The following RANBP3 variants were observed in gnomAD, a reference collection of about 807,000 sequenced individuals.
RANBP3 encodes RAN binding protein 3.
Under a neutral mutation model 77.3 loss-of-function variants are expected in RANBP3, and 14 were observed. The ratio of observed to expected loss-of-function variants is 0.18; its 90% CI spans 0.12 to 0.28. RANBP3 has a LOEUF of 0.28. Ranked by LOEUF, RANBP3 falls within the 10% of genes least tolerant of loss-of-function variation. The pLI is 1.00. For missense variants in RANBP3, 586 were observed against 752.3 expected (o/e 0.78, Z 2.59); for synonymous variants, 315 against 312.4 (o/e 1.01, Z -0.09).
At chr19:5,977,171 G>A (rs535808130) in intron 1 of RANBP3, among the ~76,000 whole-genome samples, 10 of 152,268 alleles carry the variant, frequency 6.6e-5, no homozygotes, top group African/African-American at 2.4e-4. Context: ...AGCCAGACAG[G>A]TAGAGAGCTT....
intron 1 of RANBP3, among the ~76,000 whole-genome samples, chr19:5,963,942 C>T (rs2058433734): frequency 6.6e-6 from 1 of 152,206 alleles, no homozygotes; most frequent in Admixed American, 6.5e-5. Flanking sequence ...AATTGTGATC[C>T]TGTGATGATC....
intron 5 of RANBP3, among the ~76,000 whole-genome samples, chr19:5,940,469 G>A (rs1181333641): frequency 1.3e-5 from 2 of 152,212 alleles, no homozygotes; most frequent in Non-Finnish European, 2.9e-5. Flanking sequence ...GCAGATGACA[G>A]TGTAATAGCA....
chr19:5,936,301 G>A (rs2086721408), intron 5 of RANBP3, among the ~76,000 whole-genome samples: 1 of 152,224 alleles, frequency 6.6e-6, no homozygotes, highest in Non-Finnish European at 1.5e-5. Context: ...GAAGAGGGAG[G>A]AATATACCAA....
At chr19:5,930,144 T>C (rs1442541116) in intron 8 of RANBP3, among the ~76,000 whole-genome samples, 1 of 152,210 alleles carries the variant, frequency 6.6e-6, no homozygotes, top group Non-Finnish European at 1.5e-5. Context: ...GGGTCACTTC[T>C]AAGTCCTTCT....
At chr19:5,925,561 C>T in intron 10 of RANBP3, 73 bp downstream of exon 10, 1 of 1,340,084 alleles carries the variant, frequency 7.5e-7, no homozygotes, top group Non-Finnish European at 1.1e-6. Flanking sequence ...GACCACAGAC[C>T]CCTCTCTGGC....
At chr19:5,944,463 G>A (rs1052925051) in intron 3 of RANBP3, among the ~76,000 whole-genome samples, 4 of 152,190 alleles carry the variant, frequency 2.6e-5, no homozygotes, top group African/African-American at 9.7e-5. Flanking sequence ...AGCAGCATCT[G>A]CCCACCCGGG....
At chr19:5,928,827 T>C (rs969011090) in intron 8 of RANBP3, among the ~76,000 whole-genome samples, 2 of 152,190 alleles carry the variant, frequency 1.3e-5, no homozygotes, top group Non-Finnish European at 2.9e-5. Context: ...TAATGGAATA[T>C]GGAGTTGCTA....
intron 5 of RANBP3, among the ~76,000 whole-genome samples, chr19:5,939,030 A>T (rs1439670251): frequency 1.3e-5 from 2 of 152,038 alleles, no homozygotes; most frequent in Admixed American, 6.5e-5. Flanking sequence ...CTAAAAAAAT[A>T]CAAAATTACC....
At chr19:5,949,332 A>C (rs941292339) in intron 3 of RANBP3, among the ~76,000 whole-genome samples, 1 of 152,230 alleles carries the variant, frequency 6.6e-6, no homozygotes, top group Non-Finnish European at 1.5e-5. Flanking sequence ...CTAACCTAAA[A>C]TAAAGTTTAC....
intron 7 of RANBP3, among the ~76,000 whole-genome samples, chr19:5,931,939 G>A (rs1299704820): frequency 6.6e-6 from 1 of 152,112 alleles, no homozygotes; most frequent in Non-Finnish European, 1.5e-5. Context: ...GGAGGCTGAG[G>A]TGGGAGGATC....
chr19:5,923,751 A>T (rs1163690881), intron 12 of RANBP3, 61 bp downstream of exon 12: 3 of 1,384,158 alleles, frequency 2.2e-6, no homozygotes, highest in African/African-American at 2.9e-5. Flanking sequence ...GTGTGAATGG[A>T]CCCAGCATCC....
chr19:5,966,738 C>T (rs748408173), intron 1 of RANBP3, among the ~76,000 whole-genome samples: 53 of 152,222 alleles, frequency 3.5e-4, no homozygotes, highest in Non-Finnish European at 8.8e-5. Context: ...AATATCTTTG[C>T]TTTTTCTGTT....
At chr19:5,949,102 A>G (rs2058243623) in intron 3 of RANBP3, among the ~76,000 whole-genome samples, 1 of 152,180 alleles carries the variant, frequency 6.6e-6, no homozygotes, top group African/African-American at 2.4e-5. Context: ...TCAGCTTTAT[A>G]TTCCCCCCAG....
At chr19:5,937,126 C>T (rs1715715625) in intron 5 of RANBP3, among the ~76,000 whole-genome samples, 1 of 143,870 alleles carries the variant, frequency 7.0e-6, no homozygotes. Flanking sequence ...GGAAACATCA[C>T]TCTAAAGACA....
At chr19:5,961,955 T>G (rs1251154817) in intron 1 of RANBP3, among the ~76,000 whole-genome samples, 1 of 151,688 alleles carries the variant, frequency 6.6e-6, no homozygotes, top group Non-Finnish European at 1.5e-5. Flanking sequence ...TCCCCTTGTT[T>G]TCCATGGCCA....
rs1474723237 is a variant in RANBP3, at chr19:5,921,280, G to A, written c.1251C>T (p.Ser417=). Residue 417 remains serine, a synonymous_variant, in exon 14 of 17, where the codon TCC becomes TCT. Transcript: ENST00000340578. The surrounding 1 kb of genome is among the most constrained non-coding windows in gnomAD (Gnocchi z 5.3). ...GCAGCCCCCGGCCTCTCTCCACCCA[G>A]GACTGTGAGGTCTTGTCAAAGACAA... ...KLFVFDKTSQ[S]WVERGRGLLR... 4 of 1,613,758 alleles carry A rather than the reference G, an allele frequency of 2.5e-6. No homozygotes were observed. Among genetic ancestry groups the A allele is most frequent in the Non-Finnish European group, 3.4e-6 (4 of 1,179,982 alleles).
In RANBP3 at chr19:5,951,449, G is replaced by A. The variant is rs781294802; in HGVS notation, c.226C>T (p.Pro76Ser). The change falls in exon 3 of 17, where the codon CCT becomes TCT. Residue 76 changes from proline to serine, a missense_variant. Around this residue, in one of 5 missense-constraint regions of RANBP3, gnomAD observed 172 missense variants for 183.4 expected, o/e 0.94. Transcript: ENST00000340578. Reference protein sequence around the residue: ...PAPAGASASTPPPPAPEAQLP... With the variant: ...PAPAGASASTSPPPAPEAQLP... ...TGGGCTTCAGGAGCGGGAGGCGGAG[G>A]AGTGCTGGCTGAGGCGCCAGCAGGG... 12 of 1,600,174 alleles carry A rather than the reference G, an allele frequency of 7.5e-6. No individual in the cohort carries two copies. The South Asian group carries it at 1.3e-4, about 18-fold the overall frequency.
chr19:5,941,806 G>A lies in RANBP3; in HGVS notation c.312C>T (p.Gly104=), dbSNP rs771975164. The A allele has an allele frequency of 3.1e-6, 5 of 1,612,120 alleles. No individual in the cohort carries two copies. Among genetic ancestry groups the A allele is most frequent in the South Asian group, 1.1e-5 (1 of 90,996 alleles). The change falls in exon 4 of 17, where the codon GGC becomes GGT. Residue 104 remains glycine, a synonymous_variant. Coordinates refer to ENST00000340578, the MANE Select transcript of RANBP3 (RefSeq NM_007322.3). Reference sequence around the variant, plus strand: ...TGTTAGAGAGCTCCTTACCTTCTCCGCCTTCAGGACTGGAGCCGCCAGCTG... The same window carrying A: ...TGTTAGAGAGCTCCTTACCTTCTCCACCTTCAGGACTGGAGCCGCCAGCTG... ...GRSAGGSSPE[G]GEDSDREDGN...
chr19:5,929,123 C>A (rs1001912540), intron 8 of RANBP3, among the ~76,000 whole-genome samples: 1 of 152,154 alleles, frequency 6.6e-6, no homozygotes, highest in African/African-American at 2.4e-5. Context: ...CGGATCACAG[C>A]GCTGAGGGCA....
Sources: gnomAD v4.1 joint callset for allele counts (sites outside exome capture counted in the v4.1 genomes callset) on GRCh38, gnomAD v4.1.1 for gene constraint, gnomAD v4.1.1 regional missense constraint, Gnocchi (gnomAD v3.1) non-coding constraint, MANE v1.5 for transcripts, NCBI Gene and HGNC (gene_info 2026-07-23, HGNC 2026-07-21) for gene names.